CHEK1: variants seen among roughly 807,000 people sequenced by gnomAD.
CHEK1 encodes checkpoint kinase 1.
Under a neutral mutation model 60.2 loss-of-function variants are expected in CHEK1, and 32 were observed. The observed-to-expected ratio is 0.53, with a 90% confidence interval of 0.40 to 0.71. CHEK1 has a LOEUF of 0.71. Among genes scored for constraint, CHEK1 ranks in the 30% least tolerant of loss-of-function variants. The pLI is 0.00. For synonymous variants in CHEK1, 179 were observed against 187.2 expected (o/e 0.96, Z 0.36); for missense variants, 399 against 564.6 (o/e 0.71, Z 2.97).
chr11:125,642,324 T>C (rs1941339383), intron 8 of CHEK1, among the ~76,000 whole-genome samples: 2 of 152,202 alleles, frequency 1.3e-5, no homozygotes, highest in Non-Finnish European at 1.5e-5. Flanking sequence ...TTTCCTTCAG[T>C]GTACTTACCA....
At chr11:125,672,480 A>G in intron 13 of CHEK1, 1 of 1,259,932 alleles carries the variant, frequency 7.9e-7, no homozygotes, top group Non-Finnish European at 1.1e-6. Flanking sequence ...ATGCTCAGGC[A>G]GAGGCAGATG....
chr11:125,672,327 G>T, intron 13 of CHEK1: 1 of 380,348 alleles, frequency 2.6e-6, no homozygotes, highest in Non-Finnish European at 4.7e-6. Flanking sequence ...TCTGTCTTGA[G>T]CCTGTGTGCT....
intron 13 of CHEK1, among the ~76,000 whole-genome samples, chr11:125,666,987 T>TG (rs1942111213): frequency 1.5e-5 from 1 of 68,226 alleles, no homozygotes; most frequent in Non-Finnish European, 3.1e-5. Context: ...TTTTTCGGTG[T>TG]TTTTTTTTTT....
intron 6 of CHEK1, 86 bp from the exon 7 acceptor site, chr11:125,635,343 A>G: frequency 2.3e-6 from 2 of 858,190 alleles, no homozygotes; most frequent in South Asian, 4.1e-5. Flanking sequence ...TTCAAAGGAA[A>G]CTTTTCATGG....
downstream of CHEK1, among the ~76,000 whole-genome samples, chr11:125,661,511 C>T (rs1942014682): frequency 1.3e-5 from 2 of 152,054 alleles, no homozygotes; most frequent in African/African-American, 2.4e-5. Flanking sequence ...AGGGTTTCAT[C>T]GTGTTGTCCA....
At chr11:125,650,458 G>GTTTTTTTT (rs71279471) in intron 11 of CHEK1, among the ~76,000 whole-genome samples, 2 of 130,752 alleles carry the variant, frequency 1.5e-5, no homozygotes, top group African/African-American at 2.9e-5. Context: ...AGTGGTGTTT[G>GTTTTTTTT]TTTTTTTTTT....
At chr11:125,633,998 GT>G (rs10626345) in intron 6 of CHEK1, among the ~76,000 whole-genome samples, 28 of 126,940 alleles carry the variant, frequency 2.2e-4, no homozygotes, top group East Asian at 1.2e-3. Flanking sequence ...CTCTATTGTG[GT>G]TTTTTTTTTT....
rs1474056678 is a variant in CHEK1 at position 125,625,574 on chromosome 11, T to C, written c.-459T>C. 5.1e-6 allele frequency: 3 copies of C among 590,436 alleles called. No individual in the cohort carries two copies. The highest frequency in any genetic ancestry group is 9.1e-6 in the Non-Finnish European group (3 of 330,848). The allele number at this position is 590,436 out of a possible 1,614,324, so 36.6% of individuals were successfully genotyped here. A position where few individuals can be genotyped will look rare whatever the true frequency, so the allele number is the denominator to read the frequency against. On this transcript the variant is annotated 5_prime_UTR_variant, in exon 1 of 13. Transcript: ENST00000438015. The stretch of plus-strand genomic sequence containing the variant: ...TCCGGTGGCCTCACGCAGGTGGCGG[T>C]GCAGCCTTTCAGGCCCAGAGCGGCC...
At chr11:125,652,367 G>C (rs1440748263) in intron 11 of CHEK1, among the ~76,000 whole-genome samples, 1 of 152,158 alleles carries the variant, frequency 6.6e-6, no homozygotes, top group Admixed American at 6.5e-5. Flanking sequence ...GAAGTTGAAG[G>C]CCTCTCAAGA....
intron 8 of CHEK1, among the ~76,000 whole-genome samples, chr11:125,641,429 AT>A (rs1278423393): frequency 6.6e-6 from 1 of 152,078 alleles, no homozygotes; most frequent in Admixed American, 6.5e-5. Flanking sequence ...CATTAGTGAT[AT>A]TACTTGGTTT....
At chr11:125,636,045 T>A (rs1941061428) in intron 7 of CHEK1, 1 of 152,178 alleles carries the variant, frequency 6.6e-6, no homozygotes, top group African/African-American at 2.4e-5. Flanking sequence ...CATAATGGTA[T>A]TTGTGTATCT....
intron 6 of CHEK1, among the ~76,000 whole-genome samples, chr11:125,634,689 C>T (rs1435162739): frequency 6.6e-6 from 1 of 152,104 alleles, no homozygotes; most frequent in Admixed American, 6.6e-5. Flanking sequence ...GCACTAATAC[C>T]ATTTTTTGAG....
chr11:125,633,403 T>C (rs761513423), intron 6 of CHEK1, 52 bp downstream of exon 6: 1 of 1,378,756 alleles, frequency 7.3e-7, no homozygotes, highest in Non-Finnish European at 9.7e-7. Context: ...AGATTAGTTA[T>C]ACTGAAATAA....
At chr11:125,668,288 C>G (rs1004571424) in intron 13 of CHEK1, among the ~76,000 whole-genome samples, 3 of 152,200 alleles carry the variant, frequency 2.0e-5, no homozygotes, top group African/African-American at 7.2e-5. Context: ...GTTTATATTT[C>G]TTGACCTTGA....
At chr11:125,639,556 T>C (rs1941205241) in intron 8 of CHEK1, among the ~76,000 whole-genome samples, 1 of 151,918 alleles carries the variant, frequency 6.6e-6, no homozygotes, top group African/African-American at 2.4e-5. Context: ...TTTATATTTT[T>C]AGTAGAGGTT....
Position 125,625,888 on chromosome 11 carries a change from C to G in CHEK1, c.-145C>G. 1.4e-6 allele frequency: 1 copy of G among 702,662 alleles called. No individual in the cohort carries two copies. The highest frequency in any genetic ancestry group is 1.5e-5 in the South Asian group (1 of 67,610). The allele number at this position is 702,662 out of a possible 1,614,324, so 43.5% of individuals were successfully genotyped here. A position where few individuals can be genotyped will look rare whatever the true frequency, so the allele number is the denominator to read the frequency against. The stretch of plus-strand genomic sequence containing the variant: ...CGCCGACATTCAGAGGGGCAGGACA[C>G]GGGAACGCGCGCTGTCTTGCTTTAC... On this transcript the variant is annotated 5_prime_UTR_variant, in exon 1 of 13. Coordinates refer to ENST00000438015, the MANE Select transcript of CHEK1 (RefSeq NM_001114122.3).
chr11:125,646,113 C>A (rs879152995), intron 11 of CHEK1, among the ~76,000 whole-genome samples: 1 of 152,126 alleles, frequency 6.6e-6, no homozygotes, highest in East Asian at 1.9e-4. Flanking sequence ...AAACAAAACA[C>A]CTCTGTACCA....
At chr11:125,629,554 C>A in intron 5 of CHEK1, 94 bp downstream of exon 5, 2 of 901,660 alleles carry the variant, frequency 2.2e-6, no homozygotes, top group South Asian at 2.1e-5. Flanking sequence ...CCATACAAGG[C>A]AAAATCAAGT....
chr11:125,673,212 CT>C (rs11434532), intron 13 of CHEK1, among the ~76,000 whole-genome samples: 5 of 126,860 alleles, frequency 3.9e-5, no homozygotes, highest in African/African-American at 1.2e-4. Flanking sequence ...CTTTTCTTTT[CT>C]TTTTTTTTTT....
Sources: allele counts gnomAD v4.1 joint callset (sites outside exome capture counted in the v4.1 genomes callset), GRCh38; gene constraint gnomAD v4.1.1; transcripts MANE v1.5; gene names NCBI Gene and HGNC (gene_info 2026-07-23, HGNC 2026-07-21).